The following LINGO2 variants were observed in gnomAD, a reference collection of about 807,000 sequenced individuals.
The protein encoded by LINGO2 is leucine rich repeat and Ig domain containing 2.
In LINGO2, 14 loss-of-function variants were observed where a neutral mutation model predicts 30.6. The ratio of observed to expected loss-of-function variants is 0.46; its 90% confidence interval spans 0.30 to 0.72. LINGO2 has a LOEUF of 0.72. Ranked by LOEUF, LINGO2 falls within the 30% of genes least tolerant of loss-of-function variation. The probability of loss-of-function intolerance (pLI) is 0.07; values close to 1 mark genes in which losing one functional copy is unlikely to be tolerated. For synonymous variants in LINGO2, 317 were observed against 288.5 expected, an observed-to-expected ratio of 1.10 and a Z score of -1.00; for missense variants, 729 against 751.7, an observed-to-expected ratio of 0.97 and a Z score of 0.35.
chr9:29,186,008 T>C, the LINGO2 span, among the ~76,000 whole-genome samples: 3 of 152,260 alleles, frequency 2.0e-5, no homozygotes, highest in South Asian at 6.2e-4. Context: ...AACCAAACTT[T>C]CCAGGTCAAT....
At chr9:28,815,325 G>A in the LINGO2 span, among the ~76,000 whole-genome samples, 1 of 152,210 alleles carries the variant, frequency 6.6e-6, no homozygotes, top group Non-Finnish European at 1.5e-5. Context: ...TCAAGTAAGA[G>A]ATCTGGCTGA....
chr9:28,949,496 A>G, the LINGO2 span, among the ~76,000 whole-genome samples: 1 of 152,204 alleles, frequency 6.6e-6, no homozygotes, highest in Non-Finnish European at 1.5e-5. Flanking sequence ...ACACAAATAA[A>G]GTAGAAAATC....
the LINGO2 span, among the ~76,000 whole-genome samples, chr9:28,904,655 C>T: frequency 6.6e-6 from 1 of 151,774 alleles, no homozygotes; most frequent in Non-Finnish European, 1.5e-5. Flanking sequence ...AAGTGAATGG[C>T]CTGTACACTC....
intron 1 of LINGO2, among the ~76,000 whole-genome samples, chr9:28,572,346 T>C (rs1279432839): frequency 6.6e-6 from 1 of 152,142 alleles, no homozygotes; most frequent in Admixed American, 6.6e-5. Context: ...TATTGAGGCA[T>C]GAAGATTTCC....
intron 1 of LINGO2, among the ~76,000 whole-genome samples, chr9:28,568,902 T>C (rs913562473): frequency 2.7e-5 from 4 of 146,870 alleles, no homozygotes; most frequent in Non-Finnish European, 5.9e-5. Context: ...CAGAGGAAAG[T>C]ATAAAACTCA....
chr9:28,248,523 A>G (rs1427373725), intron 4 of LINGO2, among the ~76,000 whole-genome samples: 1 of 152,214 alleles, frequency 6.6e-6, no homozygotes, highest in African/African-American at 2.4e-5. Flanking sequence ...AAACAAAATT[A>G]GAAAGAATGA....
In LINGO2 at chr9:28,485,164, T is replaced by G. The variant is rs1279273029; in HGVS notation, c.-364-9139A>C. Reference sequence around the variant, plus strand: ...AGAAATCATTCTAAAATCCTGTCTTTGATTACAATTTGACCCAAATTTAAA... The same window carrying G: ...AGAAATCATTCTAAAATCCTGTCTTGGATTACAATTTGACCCAAATTTAAA... On this transcript the variant is annotated intron_variant, in intron 1 of 5. Transcript: ENST00000379992. Among the ~76,000 whole-genome samples the G allele has an allele frequency of 3.9e-5, 6 of 152,156 alleles. No individual in the cohort carries two copies. In the South Asian group the frequency reaches 8.3e-4, roughly 21 times the overall value.
At chr9:28,026,308 A>T (rs564386632) in intron 4 of LINGO2, among the ~76,000 whole-genome samples, 6 of 152,270 alleles carry the variant, frequency 3.9e-5, no homozygotes, top group African/African-American at 1.4e-4. Flanking sequence ...CCACTTTGCA[A>T]ATGTATCCAC....
chr9:27,991,450 C>G (rs943951145), intron 5 of LINGO2, among the ~76,000 whole-genome samples: 2 of 151,940 alleles, frequency 1.3e-5, no homozygotes, highest in Non-Finnish European at 2.9e-5. Flanking sequence ...AAAACAAAGA[C>G]AGTTCAGAGG....
the LINGO2 span, among the ~76,000 whole-genome samples, chr9:28,761,509 C>CGT: frequency 1.3e-5 from 2 of 151,440 alleles, no homozygotes; most frequent in Non-Finnish European, 2.9e-5. Flanking sequence ...CGCACACACA[C>CGT]GTGTGTGTGT....
the LINGO2 span, among the ~76,000 whole-genome samples, chr9:29,089,257 G>C: frequency 6.6e-6 from 1 of 151,328 alleles, no homozygotes; most frequent in Non-Finnish European, 1.5e-5. Context: ...TTATTAGATA[G>C]TATTATTATA....
chr9:29,124,413 G>A, the LINGO2 span, among the ~76,000 whole-genome samples: 1 of 152,064 alleles, frequency 6.6e-6, no homozygotes, highest in East Asian at 1.9e-4. Context: ...CTGTCAGATT[G>A]GATCTAATTA....
chr9:28,040,533 T>G (rs538794266), intron 4 of LINGO2, among the ~76,000 whole-genome samples: 1 of 137,578 alleles, frequency 7.3e-6, no homozygotes, highest in African/African-American at 2.6e-5. Flanking sequence ...GGCAGTTTCT[T>G]TATCTGAATT....
At chr9:29,205,293 C>T in the LINGO2 span, among the ~76,000 whole-genome samples, 1 of 152,160 alleles carries the variant, frequency 6.6e-6, no homozygotes, top group East Asian at 1.9e-4. Flanking sequence ...CCCACCACGG[C>T]CTCCCAAAGT....
At chr9:28,983,317 C>T in the LINGO2 span, among the ~76,000 whole-genome samples, 2 of 50,206 alleles carry the variant, frequency 4.0e-5, no homozygotes, top group Non-Finnish European at 5.5e-5. Context: ...TATGAGGTAT[C>T]CAAAAAAAAA....
chr9:28,265,187 ACG>A (rs1822704483), intron 4 of LINGO2, among the ~76,000 whole-genome samples: 1 of 151,706 alleles, frequency 6.6e-6, no homozygotes. Context: ...ACACACACAC[ACG>A]CACACACTCA....
chr9:28,028,596 C>G (rs184173826), intron 4 of LINGO2, among the ~76,000 whole-genome samples: 1 of 152,014 alleles, frequency 6.6e-6, no homozygotes, highest in Non-Finnish European at 1.5e-5. Context: ...CCCATAGATA[C>G]CAAAACCAGA....
chr9:28,541,134 T>C (rs1821676924), intron 1 of LINGO2, among the ~76,000 whole-genome samples: 1 of 152,130 alleles, frequency 6.6e-6, no homozygotes, highest in Non-Finnish European at 1.5e-5. Flanking sequence ...TGAAATGTGG[T>C]AGGAAGATAA....
chr9:28,451,348 C>A (rs1472037697), intron 2 of LINGO2, among the ~76,000 whole-genome samples: 2 of 151,834 alleles, frequency 1.3e-5, no homozygotes, highest in South Asian at 2.1e-4. Flanking sequence ...TATCTCACTT[C>A]TCAGGCTATA....
Sources: gnomAD v4.1 joint callset for allele counts (sites outside exome capture counted in the v4.1 genomes callset) on GRCh38, gnomAD v4.1.1 for gene constraint, MANE v1.5 for transcripts, NCBI Gene and HGNC (gene_info 2026-07-23, HGNC 2026-07-21) for gene names.